Variants in RPH3A observed in about 807,000 individuals in gnomAD.
RPH3A encodes rabphilin 3A.
RPH3A carries 48 observed loss-of-function variants against 102.2 expected under a neutral mutation model. The observed-to-expected ratio is 0.47, with a 90% CI of 0.37 to 0.60. The LOEUF (loss-of-function observed/expected upper bound fraction) is 0.60. Among genes scored for constraint, RPH3A ranks in the 20% least tolerant of loss-of-function variants. The pLI is 0.00. For synonymous variants in RPH3A, 310 were observed against 324.3 expected (o/e 0.96, Z 0.47); for missense variants, 781 against 910.1 (o/e 0.86, Z 1.83).
intron 5 of RPH3A, among the ~76,000 whole-genome samples, chr12:112,854,975 G>A (rs2042386761): frequency 6.6e-6 from 1 of 152,154 alleles, no homozygotes; most frequent in South Asian, 2.1e-4. Context: ...TCATTCAGTT[G>A]AACAGTTCAT....
intron 2 of RPH3A, among the ~76,000 whole-genome samples, chr12:112,804,004 T>C (rs2041406579): frequency 6.6e-6 from 1 of 152,360 alleles, no homozygotes; most frequent in Middle Eastern, 3.4e-3. Context: ...GCTGGATACA[T>C]GCAAGTTGTT....
intron 1 of RPH3A, among the ~76,000 whole-genome samples, chr12:112,655,563 C>CCTTTTTT (rs2040005117): frequency 3.6e-5 from 2 of 55,582 alleles, no homozygotes; most frequent in South Asian, 1.6e-3. Flanking sequence ...TTTTGTTGGT[C>CCTTTTTT]TTTTTTTTTT....
chr12:112,801,504 A>T (rs530126742), intron 2 of RPH3A, among the ~76,000 whole-genome samples: 1 of 152,306 alleles, frequency 6.6e-6, no homozygotes, highest in South Asian at 2.1e-4. Flanking sequence ...TGAACGATGG[A>T]TAAGTGCTTC....
intron 1 of RPH3A, among the ~76,000 whole-genome samples, chr12:112,663,059 G>GGTGTGT (rs60392620): frequency 0.64 from 90,417 of 140,994 alleles, 29,315 homozygotes; most frequent in East Asian, 0.78. Flanking sequence ...CTAAGTGATT[G>GGTGTGT]GTGTGTGTGT....
intron 3 of RPH3A, among the ~76,000 whole-genome samples, chr12:112,830,528 A>G (rs1459053267): frequency 2.0e-5 from 3 of 152,198 alleles, no homozygotes; most frequent in Admixed American, 2.0e-4. Context: ...TCACATATCA[A>G]AATGAGATTA....
At chr12:112,682,160 G>A (rs1457107915) in intron 1 of RPH3A, among the ~76,000 whole-genome samples, 2 of 152,108 alleles carry the variant, frequency 1.3e-5, no homozygotes, top group Admixed American at 6.6e-5. Context: ...ATATAAGAGG[G>A]GATTTATTAT....
chr12:112,868,469 C>T lies in RPH3A; in HGVS notation c.484C>T (p.Pro162Ser). The change falls in exon 8 of 22, where the codon CCC becomes TCC. Residue 162 changes from proline to serine, a missense_variant. Around this residue, in one of 2 missense-constraint regions of RPH3A, gnomAD observed 730 missense variants for 810.0 expected, o/e 0.90. Coordinates refer to ENST00000389385, the MANE Select transcript of RPH3A (RefSeq NM_001143854.2). Reference sequence around the variant, plus strand: ...TGGAGCGTGGTTCTTCAAAGGCTTCCCCAAACAGGTCCTCCCACAGCCTAT... The same window carrying T: ...TGGAGCGTGGTTCTTCAAAGGCTTCTCCAAACAGGTCCTCCCACAGCCTAT... ...RSGAWFFKGFPKQVLPQPMPI... is the reference protein window; with the variant it reads ...RSGAWFFKGFSKQVLPQPMPI... 6.2e-7 allele frequency: 1 copy of T among 1,614,136 alleles called. No individual in the cohort carries two copies. Among genetic ancestry groups the T allele is most frequent in the Non-Finnish European group, 8.5e-7 (1 of 1,180,020 alleles).
chr12:112,865,570 C>T, intron 6 of RPH3A, 27 bp downstream of exon 6: 10 of 1,609,500 alleles, frequency 6.2e-6, no homozygotes, highest in Non-Finnish European at 8.5e-6. Flanking sequence ...CTCCCTTCTT[C>T]CCTGTGCAGC....
intron 1 of RPH3A, among the ~76,000 whole-genome samples, chr12:112,740,240 C>A (rs1039362867): frequency 6.6e-6 from 1 of 152,104 alleles, no homozygotes; most frequent in Non-Finnish European, 1.5e-5. Context: ...TAGTTAAACC[C>A]TTGGCTCAGT....
Position 112,896,814 on chromosome 12 carries a change from G to C in RPH3A, c.*34G>C. 3 of 1,612,050 alleles carry C rather than the reference G, an allele frequency of 1.9e-6. No individual in the cohort carries two copies. Among genetic ancestry groups the C allele is most frequent in the Non-Finnish European group, 2.5e-6 (3 of 1,179,182 alleles). On this transcript the variant is annotated 3_prime_UTR_variant, in exon 22 of 22. Transcript: ENST00000389385. Reference sequence around the variant, plus strand: ...CCAGGTCCCCATCTCCATGTCCCGGGTCCCCCCCAGCCTGCTCTAGCTGCC... The same window carrying C: ...CCAGGTCCCCATCTCCATGTCCCGGCTCCCCCCCAGCCTGCTCTAGCTGCC...
rs191787084 is a variant in RPH3A at position 112,898,763 on chromosome 12, G to A, written c.*1983G>A. The stretch of plus-strand genomic sequence containing the variant: ...CCTAGTCTGGGTGCCCGCTGTCCCC[G>A]ACAAATGTAACCACCTCCCTGCCTA... On this transcript the variant is annotated 3_prime_UTR_variant, in exon 22 of 22. Coordinates refer to ENST00000389385, the MANE Select transcript of RPH3A (RefSeq NM_001143854.2). 1,069 of 152,386 alleles carry A rather than the reference G, an allele frequency of 7.0e-3. 7 individuals carry two copies. The highest frequency in any genetic ancestry group is 0.01 in the Non-Finnish European group (688 of 68,086). The allele number at this position is 152,386 out of a possible 1,614,324, so 9.4% of individuals were successfully genotyped here. A position where few individuals can be genotyped will look rare whatever the true frequency, so the allele number is the denominator to read the frequency against.
chr12:112,664,626 G>A (rs1219087007), intron 1 of RPH3A, among the ~76,000 whole-genome samples: 1 of 152,064 alleles, frequency 6.6e-6, no homozygotes, highest in African/African-American at 2.4e-5. Flanking sequence ...CATTATAAGG[G>A]AAAGAGAGAG....
chr12:112,832,711 T>C (rs2041989737), intron 3 of RPH3A, among the ~76,000 whole-genome samples: 1 of 152,148 alleles, frequency 6.6e-6, no homozygotes, highest in African/African-American at 2.4e-5. Flanking sequence ...GATGTTGTGG[T>C]GCATGCCTGT....
intron 1 of RPH3A, among the ~76,000 whole-genome samples, chr12:112,669,938 C>G (rs2040115314): frequency 6.6e-6 from 1 of 152,114 alleles, no homozygotes; most frequent in Non-Finnish European, 1.5e-5. Context: ...TAATCAGTCT[C>G]CAATTGATGG....
rs55886323 is a variant in RPH3A at position 112,712,999 on chromosome 12, C to G, written c.-139-79144C>G. 2.7e-4 allele frequency among the ~76,000 whole-genome samples: 18 copies of G among 67,488 alleles called. 1 individual carries two copies. Among genetic ancestry groups the G allele is most frequent in the African/African-American group, 5.2e-4 (8 of 15,314 alleles). The allele number at this position is 67,488 out of a possible 152,430, so 44.3% of individuals were successfully genotyped here. ...TTTCTTCTTCGTCGTCTTTGTCTTC[C>G]TCTTCCTCTTCCTCTTCCTCTTCCT... On this transcript the variant is annotated intron_variant, in intron 1 of 21. Coordinates refer to the RPH3A transcript ENST00000543106.
At chr12:112,648,470 C>T (rs11615816) in intron 1 of RPH3A, among the ~76,000 whole-genome samples, 4,481 of 149,888 alleles carry the variant, frequency 0.03, 167 homozygotes, top group South Asian at 0.11. Flanking sequence ...TGGTAGCTCA[C>T]TCTCCGGGAA....
At chr12:112,843,952 G>A (rs1350001059) in intron 4 of RPH3A, among the ~76,000 whole-genome samples, 1 of 152,108 alleles carries the variant, frequency 6.6e-6, no homozygotes, top group Non-Finnish European at 1.5e-5. Flanking sequence ...GGAAGAAACA[G>A]CAGGCTGAGG....
At chr12:112,846,995 G>A (rs1397556024) in intron 4 of RPH3A, among the ~76,000 whole-genome samples, 1 of 152,098 alleles carries the variant, frequency 6.6e-6, no homozygotes. Context: ...CAGGAAATAG[G>A]GACACAAACA....
intron 2 of RPH3A, among the ~76,000 whole-genome samples, chr12:112,825,932 A>G (rs2041862456): frequency 6.6e-6 from 1 of 152,092 alleles, no homozygotes; most frequent in African/African-American, 2.4e-5. Flanking sequence ...TCTTTTTCTA[A>G]AAAATACATA....
Sources: gnomAD v4.1 joint callset for allele counts (sites outside exome capture counted in the v4.1 genomes callset) on GRCh38, gnomAD v4.1.1 for gene constraint, gnomAD v4.1.1 regional missense constraint, MANE v1.5 for transcripts, NCBI Gene and HGNC (gene_info 2026-07-23, HGNC 2026-07-21) for gene names.